Variants in TCAIM observed in about 807,000 individuals in gnomAD.
The protein encoded by TCAIM is T cell activation inhibitor, mitochondrial.
A neutral mutation model predicts 58.6 loss-of-function variants in TCAIM; 36 were observed. The ratio of observed to expected loss-of-function variants is 0.61; its 90% CI spans 0.47 to 0.81. TCAIM has a LOEUF of 0.81. Ranked by LOEUF, TCAIM falls within the 30% of genes least tolerant of loss-of-function variation. The probability of loss-of-function intolerance (pLI) is 0.00; values close to 1 mark genes in which losing one functional copy is unlikely to be tolerated. For synonymous variants in TCAIM, 172 were observed against 193.6 expected (o/e 0.89, Z 0.93); for missense variants, 466 against 579.6 (o/e 0.80, Z 2.01).
At chr3:44,378,691 A>G (rs1169327711) in intron 5 of TCAIM, among the ~76,000 whole-genome samples, 1 of 151,820 alleles carries the variant, frequency 6.6e-6, no homozygotes, top group Non-Finnish European at 1.5e-5. Context: ...GGTGCCTGTA[A>G]TCTCAGCTAT....
chr3:44,362,881 T>C (rs1701315086), intron 4 of TCAIM: 1 of 152,674 alleles, frequency 6.5e-6, no homozygotes, highest in South Asian at 2.1e-4. Context: ...AGATGTATGC[T>C]CCTGTTAGTC....
chr3:44,354,683 G>T (rs1701157295), intron 1 of TCAIM, 56 bp from the exon 2 acceptor site: 2 of 1,219,828 alleles, frequency 1.6e-6, no homozygotes, highest in South Asian at 2.9e-5. Context: ...AAATCGCAAT[G>T]TGTTTTACAT....
intron 3 of TCAIM, chr3:44,358,405 T>TATCCATGGGTTTTAC: frequency 1.6e-6 from 1 of 619,284 alleles, no homozygotes; most frequent in Non-Finnish European, 2.8e-6. Flanking sequence ...CAGTCCTTCA[T>TATCCATGGGTTTTAC]ATCCATGGGT....
At chr3:44,356,706 C>T (rs769479451) in intron 2 of TCAIM, among the ~76,000 whole-genome samples, 1 of 151,774 alleles carries the variant, frequency 6.6e-6, no homozygotes, top group Non-Finnish European at 1.5e-5. Context: ...TGGCTCATGC[C>T]TGCAATCCCA....
intron 5 of TCAIM, among the ~76,000 whole-genome samples, chr3:44,370,317 G>A (rs925878660): frequency 4.6e-5 from 7 of 151,972 alleles, no homozygotes; most frequent in African/African-American, 1.7e-4. Context: ...AAAAATTAGC[G>A]TGGTGGTGGG....
intron 8 of TCAIM, 56 bp from the exon 9 acceptor site, chr3:44,400,299 T>A: frequency 7.6e-7 from 1 of 1,315,912 alleles, no homozygotes. Context: ...ATTCTAAAAT[T>A]AAATTATTAT....
At chr3:44,403,697 G>A (rs374982822) in intron 10 of TCAIM, among the ~76,000 whole-genome samples, 9 of 152,182 alleles carry the variant, frequency 5.9e-5, no homozygotes, top group Admixed American at 1.3e-4. Flanking sequence ...TGAATGTTCC[G>A]TCCTACCAGT....
At chr3:44,358,709 T>A in intron 3 of TCAIM, 2 of 986,342 alleles carry the variant, frequency 2.0e-6, no homozygotes, top group Non-Finnish European at 2.4e-6. Flanking sequence ...CAATCCCCTA[T>A]GGATACCAAG....
intron 5 of TCAIM, among the ~76,000 whole-genome samples, chr3:44,376,819 T>G (rs1042462238): frequency 1.8e-4 from 28 of 152,220 alleles, no homozygotes; most frequent in African/African-American, 6.5e-4. Context: ...CCGGGCGAGG[T>G]GGCTCACGCC....
Position 44,396,844 on chromosome 3 carries a change from A to G in TCAIM, c.885+10A>G. On this transcript the variant is annotated intron_variant, in intron 8 of 10. Transcript: ENST00000342649. ...TCACCACTGGACAAAAGTAAGAAAG[A>G]GCCTTAAAATTAAAAACTCCTTGTC... The G allele has an allele frequency of 1.2e-6, 2 of 1,611,792 alleles. No individual in the cohort carries two copies. Among genetic ancestry groups the G allele is most frequent in the Non-Finnish European group, 1.7e-6 (2 of 1,178,702 alleles).
At chr3:44,392,788 G>A (rs1303011485) in intron 5 of TCAIM, 67 bp from the exon 6 acceptor site, 32 of 1,456,488 alleles carry the variant, frequency 2.2e-5, no homozygotes, top group Non-Finnish European at 3.0e-5. Flanking sequence ...GCATGCATGT[G>A]TCTTTTAATA....
At chr3:44,350,768 A>G (rs1701071629) in intron 1 of TCAIM, among the ~76,000 whole-genome samples, 2 of 152,226 alleles carry the variant, frequency 1.3e-5, no homozygotes, top group African/African-American at 4.8e-5. Flanking sequence ...TGTAAATAAT[A>G]TAGAAAATAA....
At chr3:44,378,513 A>G (rs1288536186) in intron 5 of TCAIM, among the ~76,000 whole-genome samples, 5 of 151,198 alleles carry the variant, frequency 3.3e-5, no homozygotes, top group Non-Finnish European at 5.9e-5. Flanking sequence ...AATGCTCAAT[A>G]TTACTAATCA....
chr3:44,386,623 G>T (rs1157934288), intron 5 of TCAIM, among the ~76,000 whole-genome samples: 1 of 152,226 alleles, frequency 6.6e-6, no homozygotes, highest in African/African-American at 2.4e-5. Context: ...CACTCCCAGT[G>T]CCTGCTCAAG....
intron 2 of TCAIM, among the ~76,000 whole-genome samples, chr3:44,356,777 C>T (rs1450156578): frequency 4.7e-5 from 7 of 149,390 alleles, no homozygotes; most frequent in Non-Finnish European, 1.0e-4. Context: ...ACCAGCCTGA[C>T]CAACATGGTG....
At chr3:44,403,043 C>T (rs193169615) in intron 10 of TCAIM, among the ~76,000 whole-genome samples, 44 of 152,128 alleles carry the variant, frequency 2.9e-4, no homozygotes, top group African/African-American at 8.2e-4. Flanking sequence ...CCGAGGTGGG[C>T]GGATCACTTG....
At chr3:44,340,159 T>C (rs1700827795) in intron 1 of TCAIM, 1 of 152,248 alleles carries the variant, frequency 6.6e-6, no homozygotes, top group Non-Finnish European at 1.5e-5. Context: ...AACTCTACTC[T>C]GAAGCAATGT....
At position 44,407,815 on chromosome 3, in the gene TCAIM, T is replaced by A; in HGVS notation, c.*133T>A. ...CTAACTGCTGCTTTAAAAGTAGACTTTTTTAAAAAAATTAATTTCTGCTAG... is the reference window on the plus strand; with the variant it reads ...CTAACTGCTGCTTTAAAAGTAGACTATTTTAAAAAAATTAATTTCTGCTAG... On this transcript the variant is annotated 3_prime_UTR_variant, in exon 11 of 11. Transcript: ENST00000342649. The A allele has an allele frequency of 9.6e-7, 1 of 1,043,752 alleles. No individual in the cohort carries two copies. The highest frequency in any genetic ancestry group is 3.2e-4 in the Middle Eastern group (1 of 3,098). 64.7% of individuals were successfully genotyped at this position (1,043,752 alleles called of 1,614,324 possible).
chr3:44,365,414 T>G (rs1444998060), intron 4 of TCAIM, among the ~76,000 whole-genome samples: 1 of 152,072 alleles, frequency 6.6e-6, no homozygotes, highest in Non-Finnish European at 1.5e-5. Flanking sequence ...CTGCAATCTC[T>G]GCCTCCTGGG....
Sources: allele counts gnomAD v4.1 joint callset (sites outside exome capture counted in the v4.1 genomes callset), GRCh38; gene constraint gnomAD v4.1.1; transcripts MANE v1.5; gene names NCBI Gene and HGNC (gene_info 2026-07-23, HGNC 2026-07-21).